The following TENM3 variants were observed in gnomAD, a reference collection of about 807,000 sequenced individuals.
TENM3 encodes teneurin-3.
TENM3 carries 63 observed loss-of-function variants against 255.1 expected under a neutral mutation model. That is an observed-to-expected ratio of 0.25 (90% CI 0.20 to 0.30). The LOEUF is 0.30. Among genes scored for constraint, TENM3 ranks in the 10% least tolerant of loss-of-function variants. The pLI, the probability that TENM3 is intolerant of heterozygous loss-of-function variation, is 1.00. For synonymous variants in TENM3, 1,306 were observed against 1,322.3 expected, an observed-to-expected ratio of 0.99 and a Z score of 0.27; for missense variants, 2,929 against 3,461.1, an observed-to-expected ratio of 0.85 and a Z score of 3.86.
chr4:182,153,929 A>C (rs796812730), intron 1 of TENM3, among the ~76,000 whole-genome samples: 6 of 152,150 alleles, frequency 3.9e-5, no homozygotes, highest in African/African-American at 1.4e-4. Flanking sequence ...TTAAAATTTT[A>C]AATGTTGAGG....
intron 3 of TENM3, among the ~76,000 whole-genome samples, chr4:182,535,632 C>T (rs1740226322): frequency 6.6e-6 from 1 of 151,676 alleles, no homozygotes; most frequent in African/African-American, 2.4e-5. Flanking sequence ...TCCTACTACT[C>T]CAGAGACTGA....
the TENM3 span, among the ~76,000 whole-genome samples, chr4:181,451,178 A>G: frequency 6.6e-6 from 1 of 152,306 alleles, no homozygotes; most frequent in Non-Finnish European, 1.5e-5. Flanking sequence ...TTGAATTAGC[A>G]ACGTAAGGAG....
At chr4:182,388,780 C>T (rs1768193925) in intron 3 of TENM3, among the ~76,000 whole-genome samples, 1 of 152,142 alleles carries the variant, frequency 6.6e-6, no homozygotes, top group Admixed American at 6.5e-5. Context: ...TCTGGCCACC[C>T]CAATTTTTCA....
At chr4:182,218,322 ATCT>A (rs1200186144) in intron 1 of TENM3, among the ~76,000 whole-genome samples, 1 of 152,218 alleles carries the variant, frequency 6.6e-6, no homozygotes, top group East Asian at 1.9e-4. Context: ...GAATCCCGTA[ATCT>A]TCTAGAGATA....
chr4:181,732,927 G>A, the TENM3 span, among the ~76,000 whole-genome samples: 4 of 152,222 alleles, frequency 2.6e-5, no homozygotes, highest in South Asian at 6.2e-4. Context: ...TGGTATATTC[G>A]AAGAATTAAA....
intron 3 of TENM3, among the ~76,000 whole-genome samples, chr4:182,482,355 GTAT>G (rs1734283693): frequency 6.6e-6 from 1 of 151,866 alleles, no homozygotes; most frequent in Admixed American, 6.6e-5. Context: ...TAGATTTTTT[GTAT>G]GTTCCTATGA....
At chr4:182,147,169 T>C (rs1434478541) in intron 1 of TENM3, among the ~76,000 whole-genome samples, 1 of 152,300 alleles carries the variant, frequency 6.6e-6, no homozygotes, top group East Asian at 1.9e-4. Flanking sequence ...TTATTCTGTT[T>C]GTAAAGAGTC....
At chr4:181,914,802 G>C in the TENM3 span, among the ~76,000 whole-genome samples, 2 of 152,174 alleles carry the variant, frequency 1.3e-5, no homozygotes, top group Non-Finnish European at 2.9e-5. Flanking sequence ...GGAAGAAAAA[G>C]AGACAAATTG....
At chr4:182,417,122 T>C (rs186115056) in intron 3 of TENM3, among the ~76,000 whole-genome samples, 3,456 of 152,030 alleles carry the variant, frequency 0.023, 61 homozygotes, top group African/African-American at 0.057. Flanking sequence ...TACAGGCGCC[T>C]GCCACCACGC....
chr4:182,270,420 T>C (rs62354206), intron 1 of TENM3, among the ~76,000 whole-genome samples: 14,987 of 151,928 alleles, frequency 0.099, 995 homozygotes, highest in Middle Eastern at 0.22. Context: ...TGGTATCTTA[T>C]TGCTACACAA....
chr4:182,778,946 C>CTT (rs201688335), intron 24 of TENM3, among the ~76,000 whole-genome samples: 19 of 115,954 alleles, frequency 1.6e-4, no homozygotes, highest in African/African-American at 5.4e-4. Context: ...ATATTTTTTT[C>CTT]TTTTTTTTTT....
chr4:181,626,511 C>G, the TENM3 span, among the ~76,000 whole-genome samples: 2 of 152,010 alleles, frequency 1.3e-5, no homozygotes, highest in Non-Finnish European at 2.9e-5. Context: ...AAGTTACAAT[C>G]ATGGCGGAAG....
chr4:182,318,503 A>G (rs1762872206), intron 1 of TENM3, among the ~76,000 whole-genome samples: 1 of 152,208 alleles, frequency 6.6e-6, no homozygotes, highest in Non-Finnish European at 1.5e-5. Flanking sequence ...TAAATAATAC[A>G]TCTGAAATAA....
chr4:181,858,596 G>A, the TENM3 span, among the ~76,000 whole-genome samples: 21 of 152,288 alleles, frequency 1.4e-4, no homozygotes, highest in South Asian at 2.1e-4. Context: ...GCCAGGATGC[G>A]TTTGCAGAAC....
the TENM3 span, among the ~76,000 whole-genome samples, chr4:181,990,071 AT>A: frequency 2.0e-5 from 3 of 152,232 alleles, no homozygotes; most frequent in Admixed American, 2.0e-4. Flanking sequence ...TAAATATCTC[AT>A]TTAGTACAAT....
chr4:182,120,474 G>A, the TENM3 span, among the ~76,000 whole-genome samples: 20 of 151,976 alleles, frequency 1.3e-4, no homozygotes, highest in Admixed American at 1.0e-3. Context: ...ATATACACAC[G>A]TGTGTGTATA....
In TENM3 at chr4:182,308,625, C is replaced by A. The variant is rs80083019; in HGVS notation, c.-75-15321C>A. On this transcript the variant is annotated intron_variant, in intron 1 of 27. Coordinates refer to ENST00000511685, the MANE Select transcript of TENM3 (RefSeq NM_001080477.4). The stretch of plus-strand genomic sequence containing the variant: ...AATGTGCTGTGATTACAGGTGTGAG[C>A]CGCTGTGCCCAACCTATGCATGTAT... Among the ~76,000 whole-genome samples, 788 of 152,286 alleles carry A rather than the reference C, an allele frequency of 5.2e-3. 6 individuals are homozygous for A. The highest frequency in any genetic ancestry group is 0.018 in the African/African-American group (734 of 41,542).
At chr4:181,548,063 G>GT in the TENM3 span, among the ~76,000 whole-genome samples, 1 of 151,648 alleles carries the variant, frequency 6.6e-6, no homozygotes, top group African/African-American at 2.4e-5. Context: ...TGCGGTGTCT[G>GT]TTTTTTTCTC....
chr4:182,292,919 C>T (rs1404118369), intron 1 of TENM3, among the ~76,000 whole-genome samples: 1 of 152,194 alleles, frequency 6.6e-6, no homozygotes. Flanking sequence ...GAGAGGTAGA[C>T]ACAGTCCCAA....
Sources: allele counts gnomAD v4.1 joint callset (sites outside exome capture counted in the v4.1 genomes callset), GRCh38; gene constraint gnomAD v4.1.1; transcripts MANE v1.5; gene names NCBI Gene and HGNC (gene_info 2026-07-23, HGNC 2026-07-21).